KCNH7: variants seen among roughly 807,000 people sequenced by gnomAD.
KCNH7 encodes voltage-gated inwardly rectifying potassium channel KCNH7.
Under a neutral mutation model 120.8 loss-of-function variants are expected in KCNH7, and 49 were observed. The observed-to-expected ratio is 0.41, with a 90% CI of 0.32 to 0.51. KCNH7 has a LOEUF of 0.51. Ranked by LOEUF, KCNH7 falls within the 20% of genes least tolerant of loss-of-function variation. The pLI is 0.38. For missense variants in KCNH7, 1,097 were observed against 1,446.6 expected (o/e 0.76, Z 3.92); for synonymous variants, 547 against 516.1 (o/e 1.06, Z -0.81).
At chr2:162,686,257 T>G (rs1559081628) in intron 2 of KCNH7, among the ~76,000 whole-genome samples, 1 of 152,156 alleles carries the variant, frequency 6.6e-6, no homozygotes, top group African/African-American at 2.4e-5. Context: ...AAAACATGTT[T>G]GCTTTCTTTT....
At chr2:162,494,676 G>A (rs1468311129) in intron 6 of KCNH7, among the ~76,000 whole-genome samples, 1 of 152,004 alleles carries the variant, frequency 6.6e-6, no homozygotes, top group African/African-American at 2.4e-5. Flanking sequence ...TGGGTATTTT[G>A]TCATTCACAG....
rs1320094873 is a variant in KCNH7, at chr2:162,384,734, G to A, written c.2916C>T (p.Pro972=). The A allele has an allele frequency of 1.2e-6, 2 of 1,612,618 alleles. No homozygotes were observed. The highest frequency in any genetic ancestry group is 1.7e-6 in the Non-Finnish European group (2 of 1,178,974). The stretch of plus-strand genomic sequence containing the variant: ...TATCTATGTGCATTCTTCCTGAGGT[G>A]GGCACTGTTTCTTCAAAATCGAGCC... ...ASGLDFEETV[P]TSGRMHIDKR... is the part of the protein sequence containing the mutation. Residue 972 remains proline, a synonymous_variant, in exon 13 of 16, where the codon CCC becomes CCT. Coordinates refer to ENST00000332142, the MANE Select transcript of KCNH7 (RefSeq NM_033272.4).
Position 162,705,296 on chromosome 2 carries a change from G to A in KCNH7, c.307+131241C>T, listed in dbSNP as rs142355697. On this transcript the variant is annotated intron_variant, in intron 2 of 15. Coordinates refer to ENST00000332142, the MANE Select transcript of KCNH7 (RefSeq NM_033272.4). ...GAAACTAGAGATACTATCTGTTCACGTGAAAGCAGGTATGGAATGGTATAT... is the reference window on the plus strand; with the variant it reads ...GAAACTAGAGATACTATCTGTTCACATGAAAGCAGGTATGGAATGGTATAT... Among the ~76,000 whole-genome samples, 93 of 152,130 alleles carry A rather than the reference G, an allele frequency of 6.1e-4. 1 individual carries two copies. Among genetic ancestry groups the A allele is most frequent in the African/African-American group, 2.1e-3 (89 of 41,528 alleles).
chr2:162,739,644 C>G (rs749006207), intron 2 of KCNH7, among the ~76,000 whole-genome samples: 9 of 152,144 alleles, frequency 5.9e-5, no homozygotes, highest in Admixed American at 2.0e-4. Context: ...TGAGCCATCC[C>G]AGGCCAGGCA....
chr2:162,570,807 T>C (rs1176322084), intron 2 of KCNH7, among the ~76,000 whole-genome samples: 1 of 152,058 alleles, frequency 6.6e-6, no homozygotes, highest in African/African-American at 2.4e-5. Context: ...CATGATTATC[T>C]CAATAGATGC....
chr2:162,468,606 C>T (rs1441425372), intron 6 of KCNH7, among the ~76,000 whole-genome samples: 9 of 148,276 alleles, frequency 6.1e-5, no homozygotes, highest in African/African-American at 1.3e-4. Flanking sequence ...CTGCAACCTC[C>T]GCCTCCCAGG....
chr2:162,610,026 GTC>G (rs991972771), intron 2 of KCNH7, among the ~76,000 whole-genome samples: 1 of 152,180 alleles, frequency 6.6e-6, no homozygotes, highest in African/African-American at 2.4e-5. Flanking sequence ...CTTACTGTGT[GTC>G]TCTTTCTCTC....
chr2:162,531,424 A>G (rs1216027267), intron 3 of KCNH7, among the ~76,000 whole-genome samples: 1 of 151,966 alleles, frequency 6.6e-6, no homozygotes, highest in Non-Finnish European at 1.5e-5. Context: ...GTGGGAAAAT[A>G]TGAGAATTTG....
intron 2 of KCNH7, among the ~76,000 whole-genome samples, chr2:162,815,770 A>G (rs1467555857): frequency 6.6e-6 from 1 of 152,230 alleles, no homozygotes; most frequent in Non-Finnish European, 1.5e-5. Context: ...GGGCACAGCC[A>G]TATTAATCCC....
chr2:162,413,820 T>C (rs1393961278), intron 9 of KCNH7, among the ~76,000 whole-genome samples: 1 of 151,822 alleles, frequency 6.6e-6, no homozygotes, highest in Non-Finnish European at 1.5e-5. Flanking sequence ...GTATCCAAAA[T>C]AGTCCTTAAA....
intron 2 of KCNH7, among the ~76,000 whole-genome samples, chr2:162,608,670 AATC>A (rs1375344343): frequency 2.6e-5 from 4 of 152,146 alleles, no homozygotes; most frequent in African/African-American, 9.6e-5. Flanking sequence ...CTCTGCCTTT[AATC>A]ACATTGTTAA....
At chr2:162,601,399 C>CTTTTTTTTGTTTT (rs1694549040) in intron 2 of KCNH7, among the ~76,000 whole-genome samples, 1 of 9,602 alleles carries the variant, frequency 1.0e-4, no homozygotes, top group African/African-American at 5.3e-4. Flanking sequence ...ACTTCTTGTG[C>CTTTTTTTTGTTTT]TTTTTTTTTT....
chr2:162,786,714 T>C lies in KCNH7; in HGVS notation c.307+49823A>G, dbSNP rs115406018. Among the ~76,000 whole-genome samples the C allele has an allele frequency of 5.0e-3, 765 of 152,316 alleles. 9 individuals carry two copies. The highest frequency in any genetic ancestry group is 0.017 in the African/African-American group (720 of 41,562). On this transcript the variant is annotated intron_variant, in intron 2 of 15. Transcript: ENST00000332142. The stretch of plus-strand genomic sequence containing the variant: ...TTTACTGAACATGACCTATGTTGAT[T>C]TGGGGAGGTATCCAGATGTTCAGTA...
intron 6 of KCNH7, among the ~76,000 whole-genome samples, chr2:162,459,833 C>A (rs1689088903): frequency 6.6e-6 from 1 of 152,118 alleles, no homozygotes; most frequent in Non-Finnish European, 1.5e-5. Context: ...CAGTGGCTCA[C>A]TCCTGTAACC....
At chr2:162,556,537 A>G (rs1207380461) in intron 2 of KCNH7, among the ~76,000 whole-genome samples, 1 of 152,196 alleles carries the variant, frequency 6.6e-6, no homozygotes, top group East Asian at 1.9e-4. Flanking sequence ...TTTGGGGACA[A>G]AAAGATTCCC....
intron 2 of KCNH7, among the ~76,000 whole-genome samples, chr2:162,574,450 T>C (rs16846939): frequency 0.044 from 6,680 of 152,052 alleles, 296 homozygotes; most frequent in East Asian, 0.11. Context: ...GTTAGTTGGC[T>C]CAATAGAATG....
In KCNH7 at chr2:162,401,608, T is replaced by C. The variant is rs574989176; in HGVS notation, c.2155-1167A>G. The stretch of plus-strand genomic sequence containing the variant: ...TACAATTATTACTATTTTTAAATAT[T>C]CAAGTAAGCACAAGGATCCTACTGT... On this transcript the variant is annotated intron_variant, in intron 9 of 15. Coordinates refer to ENST00000332142, the MANE Select transcript of KCNH7 (RefSeq NM_033272.4). Among the ~76,000 whole-genome samples, 11 of 152,060 alleles carry C rather than the reference T, an allele frequency of 7.2e-5. No individual in the cohort carries two copies. In the East Asian group the frequency reaches 2.1e-3, roughly 30 times the overall value.
At position 162,424,953 on chromosome 2, in the gene KCNH7, G is replaced by T. The variant is rs373126967; in HGVS notation, c.1955-1418C>A. On this transcript the variant is annotated intron_variant, in intron 8 of 15. Coordinates refer to ENST00000332142, the MANE Select transcript of KCNH7 (RefSeq NM_033272.4). ...AATATTCTGGGTGTGTCTGTAAGGG[G>T]TTTGCAGAGGAGATTAGCATTTGGT... Among the ~76,000 whole-genome samples the T allele has an allele frequency of 2.0e-5, 3 of 152,284 alleles. No individual in the cohort carries two copies. In the East Asian group the frequency reaches 5.8e-4, roughly 29 times the overall value.
intron 2 of KCNH7, among the ~76,000 whole-genome samples, chr2:162,812,481 C>A (rs2105571503): frequency 6.6e-6 from 1 of 151,888 alleles, no homozygotes; most frequent in Admixed American, 6.6e-5. Flanking sequence ...ATGATAATTA[C>A]CTAAGTAAAG....
Sources: allele counts gnomAD v4.1 joint callset (sites outside exome capture counted in the v4.1 genomes callset), GRCh38; gene constraint gnomAD v4.1.1; transcripts MANE v1.5; gene names NCBI Gene and HGNC (gene_info 2026-07-23, HGNC 2026-07-21).